SEM1: variants seen among roughly 807,000 people sequenced by gnomAD.
SEM1 encodes the protein SEM1 26S proteasome subunit.
In SEM1, 3 loss-of-function variants were observed where a neutral mutation model predicts 12.7. The ratio of observed to expected loss-of-function variants is 0.24; its 90% CI spans 0.11 to 0.61. SEM1 has a LOEUF of 0.61. SEM1 is among the 20% of genes least tolerant of loss of function. The pLI, the probability that SEM1 is intolerant of heterozygous loss-of-function variation, is 0.88. For synonymous variants in SEM1, 30 were observed against 27.8 expected (o/e 1.08, Z -0.25); for missense variants, 59 against 81.3 (o/e 0.73, Z 1.06).
At chr7:96,685,922 A>C (rs1789749242), downstream of SEM1, among the ~76,000 whole-genome samples, 1 of 152,086 alleles carries the variant, frequency 6.6e-6, no homozygotes, top group South Asian at 2.1e-4. Context: ...TTAACACACA[A>C]CTAATAAGTG....
chr7:96,502,253 T>C (rs1023509410), intron 3 of SEM1, among the ~76,000 whole-genome samples: 3 of 152,158 alleles, frequency 2.0e-5, no homozygotes, highest in South Asian at 2.1e-4. Flanking sequence ...CAAATCCTGA[T>C]TCTGGGGCCT....
intron 2 of SEM1, among the ~76,000 whole-genome samples, chr7:96,616,518 T>C (rs1158790475): frequency 6.6e-6 from 1 of 152,172 alleles, no homozygotes; most frequent in Non-Finnish European, 1.5e-5. Context: ...CAATGTTGAT[T>C]GTTTCTTTTG....
chr7:96,562,967 A>G (rs1805734826), intron 2 of SEM1, among the ~76,000 whole-genome samples: 1 of 152,216 alleles, frequency 6.6e-6, no homozygotes, highest in Non-Finnish European at 1.5e-5. Flanking sequence ...AGTATGAAGG[A>G]AAGTCATTGG....
chr7:96,510,370 T>A (rs1803899268), intron 2 of SEM1, among the ~76,000 whole-genome samples: 1 of 152,182 alleles, frequency 6.6e-6, no homozygotes, highest in Non-Finnish European at 1.5e-5. Flanking sequence ...GATTAACTTA[T>A]TGCTCTTAGG....
At chr7:96,496,429 A>T (rs1803263408), upstream of SEM1, 1 of 614,652 alleles carries the variant, frequency 1.6e-6, no homozygotes, top group African/African-American at 1.9e-5. Context: ...CTAAATCTTT[A>T]TACTGCCCCC....
chr7:96,689,333 A>G (rs116679510), intron 2 of SEM1, among the ~76,000 whole-genome samples: 5 of 152,296 alleles, frequency 3.3e-5, no homozygotes, highest in African/African-American at 1.2e-4. Flanking sequence ...CATTAACCTC[A>G]GGCAAAGTAC....
intron 2 of SEM1, among the ~76,000 whole-genome samples, chr7:96,690,163 AAT>A (rs1177252010): frequency 6.6e-6 from 1 of 152,186 alleles, no homozygotes; most frequent in Non-Finnish European, 1.5e-5. Context: ...AAAATTTTAT[AAT>A]TTATTTAAAA....
downstream of SEM1, among the ~76,000 whole-genome samples, chr7:96,686,978 T>C (rs569282096): frequency 1.5e-4 from 23 of 152,236 alleles, no homozygotes; most frequent in South Asian, 3.3e-3. Flanking sequence ...GGGTGAAGGA[T>C]ATGAACAGAC....
intron 2 of SEM1, among the ~76,000 whole-genome samples, chr7:96,597,696 C>T (rs576945059): frequency 0.021 from 3,150 of 147,286 alleles, 69 homozygotes; most frequent in East Asian, 0.07. Flanking sequence ...TATATATATA[C>T]ACACACACAC....
At chr7:96,562,995 G>A (rs904171441) in intron 2 of SEM1, among the ~76,000 whole-genome samples, 17 of 152,144 alleles carry the variant, frequency 1.1e-4, no homozygotes, top group African/African-American at 4.1e-4. Context: ...TAAGATGTGA[G>A]TAAAATGTTT....
chr7:96,485,839 C>A (rs796717691), intron 2 of SEM1, among the ~76,000 whole-genome samples: 12 of 152,168 alleles, frequency 7.9e-5, no homozygotes, highest in African/African-American at 2.9e-4. Context: ...TACGCCTGGC[C>A]TCCCATCTCT....
chr7:96,548,977 G>A (rs1426854218), intron 2 of SEM1, among the ~76,000 whole-genome samples: 2 of 152,156 alleles, frequency 1.3e-5, no homozygotes, highest in Non-Finnish European at 2.9e-5. Context: ...TTCAGAGCTC[G>A]TACTGTATTG....
chr7:96,510,577 T>G (rs2117297105), intron 2 of SEM1, among the ~76,000 whole-genome samples: 1 of 152,284 alleles, frequency 6.6e-6, no homozygotes, highest in Non-Finnish European at 1.5e-5. Flanking sequence ...ATGACTGTAC[T>G]TGCTTAAGCA....
chr7:96,500,995 T>G (rs2117263885), upstream of SEM1, among the ~76,000 whole-genome samples: 1 of 152,314 alleles, frequency 6.6e-6, no homozygotes, highest in East Asian at 1.9e-4. Flanking sequence ...CCTCTTATTA[T>G]GAAATCCCAA....
chr7:96,522,618 C>T (rs1006698502), intron 2 of SEM1, among the ~76,000 whole-genome samples: 6 of 151,482 alleles, frequency 4.0e-5, no homozygotes, highest in African/African-American at 1.2e-4. Context: ...TGGCTCACAC[C>T]TGTAATCCCA....
intron 2 of SEM1, among the ~76,000 whole-genome samples, chr7:96,531,654 C>T (rs1191800285): frequency 6.7e-6 from 1 of 149,606 alleles, no homozygotes; most frequent in Admixed American, 6.7e-5. Flanking sequence ...ATATGTCTAT[C>T]AATCTTTGAA....
intron 2 of SEM1, among the ~76,000 whole-genome samples, chr7:96,552,071 T>C (rs966452203): frequency 1.4e-4 from 21 of 152,188 alleles, no homozygotes; most frequent in African/African-American, 4.8e-4. Flanking sequence ...CAGCACTCTG[T>C]CATGTTCGTC....
intron 1 of SEM1, among the ~76,000 whole-genome samples, chr7:96,699,630 T>G (rs868676790): frequency 7.9e-5 from 12 of 152,216 alleles, no homozygotes; most frequent in Admixed American, 1.3e-4. Flanking sequence ...TCCCTTCTTT[T>G]GAAAACCCCT....
In SEM1 at chr7:96,483,890, T is replaced by C. The variant is rs369133516; in HGVS notation, c.356A>G (p.Tyr119Cys). The change falls in exon 4 of 4, where the codon TAC (tyrosine) becomes TGC (cysteine). Residue 119 changes from tyrosine to cysteine, a missense_variant. Tyr to Cys is a radical substitution (Grantham distance 194). Transcript: ENST00000356686. Reference sequence around the variant, plus strand: ...AGTTCTTTCTGCTGGGGCCAGATTGTAGAGGTCACCCGAATGGCAGCCAGG... The same window carrying C: ...AGTTCTTTCTGCTGGGGCCAGATTGCAGAGGTCACCCGAATGGCAGCCAGG... 643 of 1,536,734 alleles carry C rather than the reference T, an allele frequency of 4.2e-4. 4 individuals carry two copies. The African/African-American group carries it at 7.2e-3, about 17-fold the overall frequency.
Sources: allele counts gnomAD v4.1 joint callset (sites outside exome capture counted in the v4.1 genomes callset), GRCh38; gene constraint gnomAD v4.1.1; transcripts MANE v1.5; gene names NCBI Gene and HGNC (gene_info 2026-07-23, HGNC 2026-07-21).